Variants in POFUT1 observed in about 807,000 individuals in gnomAD.
POFUT1 encodes GDP-fucose protein O-fucosyltransferase 1.
Under a neutral mutation model 42.4 loss-of-function variants are expected in POFUT1, and 16 were observed. The ratio of observed to expected loss-of-function variants is 0.38; its 90% CI spans 0.26 to 0.57. The LOEUF is 0.57. Ranked by LOEUF, POFUT1 falls within the 20% of genes least tolerant of loss-of-function variation. The pLI is 0.71. For missense variants in POFUT1, 470 were observed against 504.6 expected (o/e 0.93, Z 0.66); for synonymous variants, 206 against 205.4 (o/e 1.00, Z -0.03).
intron 3 of POFUT1, 48 bp from the exon 4 acceptor site, chr20:32,216,561 T>C (rs745868500): frequency 5.9e-6 from 7 of 1,196,344 alleles, no homozygotes; most frequent in Non-Finnish European, 8.7e-6. Flanking sequence ...CATCCCCAAA[T>C]GGCTTTCCCT....
chr20:32,216,771 C>T (rs1235608039), intron 4 of POFUT1, 50 bp downstream of exon 4: 1 of 1,408,772 alleles, frequency 7.1e-7, no homozygotes, highest in Non-Finnish European at 1.0e-6. Flanking sequence ...GCATGGAGCT[C>T]ATGAGCATTC....
rs549846043 is a variant in POFUT1 at position 32,217,194 on chromosome 20, C to T, written c.542+473C>T. ...AGGTTAGCAGGACGTGGGCACAGGC[C>T]GTGAAACATTTATAGGGCGCCTGTC... On this transcript the variant is annotated intron_variant, in intron 4 of 6. Coordinates refer to ENST00000375749, the MANE Select transcript of POFUT1 (RefSeq NM_015352.2). 2,967 of 1,439,196 alleles carry T rather than the reference C, an allele frequency of 2.1e-3. 2 individuals carry two copies. Among genetic ancestry groups the T allele is most frequent in the Non-Finnish European group, 2.5e-3 (2,797 of 1,098,402 alleles). 89.2% of individuals were successfully genotyped at this position (1,439,196 alleles called of 1,614,324 possible). A position where few individuals can be genotyped will look rare whatever the true frequency, so the allele number is the denominator to read the frequency against.
chr20:32,217,498 G>A (rs2047368414), intron 4 of POFUT1: 3 of 989,584 alleles, frequency 3.0e-6, no homozygotes, highest in South Asian at 9.2e-5. Flanking sequence ...TGTAATCCCA[G>A]CACTTTGGGA....
chr20:32,209,736 G>T (rs1299501762), intron 1 of POFUT1, among the ~76,000 whole-genome samples: 1 of 152,198 alleles, frequency 6.6e-6, no homozygotes, highest in African/African-American at 2.4e-5. Context: ...TGAGGCATTC[G>T]AGTTGCCCGT....
At chr20:32,212,885 A>AT (rs747192876) in intron 2 of POFUT1, among the ~76,000 whole-genome samples, 77 of 141,234 alleles carry the variant, frequency 5.5e-4, no homozygotes, top group Middle Eastern at 4.4e-3. Context: ...CCCAGCCAGA[A>AT]TTTTTTTTTT....
chr20:32,211,984 C>T (rs1017528752), intron 2 of POFUT1, among the ~76,000 whole-genome samples: 3 of 152,178 alleles, frequency 2.0e-5, no homozygotes, highest in African/African-American at 7.2e-5. Context: ...TGCTTACTAG[C>T]TATGTGACCT....
Position 32,223,792 on chromosome 20 carries a change from A to G in POFUT1, c.543-4471A>G, listed in dbSNP as rs1280000381. ...GGGCTGGGAATCAGAAGATTAAGCCACAGACTCAGCTCATTGTCAAGGGTG... is the reference window on the plus strand; with the variant it reads ...GGGCTGGGAATCAGAAGATTAAGCCGCAGACTCAGCTCATTGTCAAGGGTG... On this transcript the variant is annotated intron_variant, in intron 4 of 6. Transcript: ENST00000375749. 2 of 679,616 alleles carry G rather than the reference A, an allele frequency of 2.9e-6. 1 individual carries two copies. Among genetic ancestry groups the G allele is most frequent in the East Asian group, 2.7e-4 (2 of 7,482 alleles). The allele number at this position is 679,616 out of a possible 1,614,324, so 42.1% of individuals were successfully genotyped here. A position where few individuals can be genotyped will look rare whatever the true frequency, so the allele number is the denominator to read the frequency against.
rs1600396436 is a variant in POFUT1, at chr20:32,234,764, C to T, written c.*103C>T. ...CAGAGGTGCTCCGGGATTGCAAACT[C>T]CTCTTCTCACCTGCCAAAGATGGAG... is the stretch of plus-strand genomic sequence containing the variant. On this transcript the variant is annotated 3_prime_UTR_variant, in exon 7 of 7. Coordinates refer to ENST00000375749, the MANE Select transcript of POFUT1 (RefSeq NM_015352.2). 9.3e-6 allele frequency: 9 copies of T among 971,646 alleles called. No homozygotes were observed. The East Asian group carries it at 1.8e-4, about 19-fold the overall frequency. 60.2% of individuals were successfully genotyped at this position (971,646 alleles called of 1,614,324 possible).
At chr20:32,230,749 C>T in intron 5 of POFUT1, 70 bp from the exon 6 acceptor site, 1 of 1,555,322 alleles carries the variant, frequency 6.4e-7, no homozygotes, top group South Asian at 1.1e-5. Flanking sequence ...TCTTTTTCCA[C>T]TTACCAGGTC....
chr20:32,217,410 A>G (rs1284586819), intron 4 of POFUT1: 2 of 1,038,660 alleles, frequency 1.9e-6, no homozygotes, highest in Non-Finnish European at 2.3e-6. Context: ...CAGGGAACAT[A>G]CTAATTCATG....
At chr20:32,231,630 CAGCCTTGAAAA>C (rs2047444364) in intron 6 of POFUT1, among the ~76,000 whole-genome samples, 1 of 152,206 alleles carries the variant, frequency 6.6e-6, no homozygotes, top group Admixed American at 6.5e-5. Flanking sequence ...ACCCACTCTG[CAGCCTTGAAAA>C]AGTTATTTGA....
At chr20:32,214,150 A>T (rs1388759483) in intron 2 of POFUT1, among the ~76,000 whole-genome samples, 1 of 151,022 alleles carries the variant, frequency 6.6e-6, no homozygotes, top group Non-Finnish European at 1.5e-5. Context: ...TTTGAGACAG[A>T]GTCTCACTCT....
intron 6 of POFUT1, among the ~76,000 whole-genome samples, 176 bp from the exon 7 acceptor site, chr20:32,234,297 G>A (rs888326211): frequency 6.6e-6 from 1 of 152,260 alleles, no homozygotes; most frequent in Non-Finnish European, 1.5e-5. Flanking sequence ...GAAGGGTGGG[G>A]TGGGCCTAGG....
intron 1 of POFUT1, among the ~76,000 whole-genome samples, chr20:32,209,289 C>T (rs779686284): frequency 7.9e-5 from 12 of 152,226 alleles, no homozygotes; most frequent in Non-Finnish European, 1.6e-4. Flanking sequence ...TTTCACTGAC[C>T]TCTACCCAAG....
At chr20:32,214,351 C>T (rs2047347479) in intron 2 of POFUT1, among the ~76,000 whole-genome samples, 1 of 152,082 alleles carries the variant, frequency 6.6e-6, no homozygotes. Context: ...TCTTGAACTC[C>T]TGGCCTCAAG....
rs532820180 is a variant in POFUT1, at chr20:32,236,088, A to G, written c.*1427A>G. ...GAAACTGTACAGAAAGGGCTTTGCTATTTTTCCCTTTTGGGAAAACAATGA... is the reference window on the plus strand; with the variant it reads ...GAAACTGTACAGAAAGGGCTTTGCTGTTTTTCCCTTTTGGGAAAACAATGA... On this transcript the variant is annotated 3_prime_UTR_variant, in exon 7 of 7. Transcript: ENST00000375749. 1 of 152,348 alleles carries G rather than the reference A, an allele frequency of 6.6e-6. No homozygotes were observed. The highest frequency in any genetic ancestry group is 2.4e-5 in the African/African-American group (1 of 41,566). The allele number at this position is 152,348 out of a possible 1,614,324, so 9.4% of individuals were successfully genotyped here.
Position 32,215,530 on chromosome 20 carries a change from T to C in POFUT1, c.429+79T>C, listed in dbSNP as rs79347885. ...CCCAAGACTATGTCATGGCAAAATG[T>C]GGGGAAAAGCACCAGAAGGACTTAG... is the stretch of plus-strand genomic sequence containing the variant. On this transcript the variant is annotated intron_variant, in intron 3 of 6. Coordinates refer to ENST00000375749, the MANE Select transcript of POFUT1 (RefSeq NM_015352.2). 0.011 allele frequency: 14,063 copies of C among 1,227,320 alleles called. 1,320 individuals are homozygous for C. The African/African-American group carries it at 0.19, about 16-fold the overall frequency. 76.0% of individuals were successfully genotyped at this position (1,227,320 alleles called of 1,614,324 possible).
chr20:32,228,303 G>T lies in POFUT1; in HGVS notation c.583G>T (p.Ala195Ser), dbSNP rs756851381. The T allele has an allele frequency of 1.2e-6, 2 of 1,613,914 alleles. No homozygotes were observed. Among genetic ancestry groups the T allele is most frequent in the Non-Finnish European group, 1.7e-6 (2 of 1,179,858 alleles). The change falls in exon 5 of 7, where the codon GCC becomes TCC. Residue 195 changes from alanine (A) to serine (S), a missense_variant. Transcript: ENST00000375749. ...ACATCCGGTGCTTGCCCTGCCAGGA[G>T]CCCCAGCCCAGTTCCCCGTCCTAGA... Reference protein sequence around the residue: ...KEHPVLALPGAPAQFPVLEEH... With the variant: ...KEHPVLALPGSPAQFPVLEEH...
chr20:32,228,200 G>T (rs966227138), intron 4 of POFUT1, 63 bp from the exon 5 acceptor site: 8 of 1,403,634 alleles, frequency 5.7e-6, no homozygotes, highest in African/African-American at 1.4e-5. Context: ...CCTTTTTCCC[G>T]TGGGGGTGGC....
Sources: allele counts gnomAD v4.1 joint callset (sites outside exome capture counted in the v4.1 genomes callset), GRCh38; gene constraint gnomAD v4.1.1; transcripts MANE v1.5; gene names NCBI Gene and HGNC (gene_info 2026-07-23, HGNC 2026-07-21).